SERPINB9: variants seen among roughly 807,000 people sequenced by gnomAD.
SERPINB9 encodes the protein serpin B9.
In SERPINB9, 20 loss-of-function variants were observed where a neutral mutation model predicts 27.2. The observed-to-expected ratio is 0.74, with a 90% CI of 0.52 to 1.07. SERPINB9 has a LOEUF of 1.07. Ranked by LOEUF, SERPINB9 falls within the 50% of genes least tolerant of loss-of-function variation. The pLI is 0.00. For synonymous variants in SERPINB9, 189 were observed against 180.0 expected, an observed-to-expected ratio of 1.05 and a Z score of -0.40; for missense variants, 476 against 460.1, an observed-to-expected ratio of 1.03 and a Z score of -0.32.
At chr6:2,901,944 G>A (rs1452285884) in intron 1 of SERPINB9, among the ~76,000 whole-genome samples, 6 of 151,990 alleles carry the variant, frequency 3.9e-5, no homozygotes, top group Admixed American at 1.3e-4. Flanking sequence ...CCACCCCCAC[G>A]CCACAGCCAC....
chr6:2,902,742 T>C (rs1329645585), intron 1 of SERPINB9, among the ~76,000 whole-genome samples: 2 of 152,094 alleles, frequency 1.3e-5, no homozygotes, highest in Non-Finnish European at 2.9e-5. Flanking sequence ...GGTCTCGAAC[T>C]CCTGATCTCC....
chr6:2,894,932 A>C lies in SERPINB9; in HGVS notation c.424+459T>G, dbSNP rs904887494. Among the ~76,000 whole-genome samples the C allele has an allele frequency of 2.1e-5, 2 of 95,554 alleles. No homozygotes were observed. Among genetic ancestry groups the C allele is most frequent in the African/African-American group, 4.7e-5 (1 of 21,484 alleles). 62.7% of individuals were successfully genotyped at this position (95,554 alleles called of 152,430 possible). A position where few individuals can be genotyped will look rare whatever the true frequency, so the allele number is the denominator to read the frequency against. On this transcript the variant is annotated intron_variant, in intron 4 of 6. Transcript: ENST00000380698. The surrounding 1 kb of genome is among the most constrained non-coding windows in gnomAD (Gnocchi z 4.7). ...GCTAATTTTTGTATTTTTAGTAGAG[A>C]TGTTGGGCGGGGGGGGGTCCCACCA...
In SERPINB9 at chr6:2,900,499, G is replaced by T. The variant is rs1430646130; in HGVS notation, c.113C>A (p.Ala38Asp). 5 of 1,614,074 alleles carry T rather than the reference G, an allele frequency of 3.1e-6. No homozygotes were observed. The African/African-American group carries it at 6.7e-5, about 22-fold the overall frequency. The change falls in exon 2 of 7, where the codon GCC (alanine) becomes GAC (aspartate). Residue 38 changes from alanine to aspartate, a missense_variant. Coordinates refer to ENST00000380698, the MANE Select transcript of SERPINB9 (RefSeq NM_004155.6). ...TGCCCCTAGGAGAACCATGGCCAGG[G>T]CAGAGGAGATGCTCACAGGAGAACA... is the stretch of plus-strand genomic sequence containing the variant. ...VFCSPVSISS[A>D]LAMVLLGAKG... is the part of the protein sequence containing the mutation.
At position 2,894,837 on chromosome 6, in the gene SERPINB9, C is replaced by G. The variant is rs1025440580; in HGVS notation, c.424+554G>C. The stretch of plus-strand genomic sequence containing the variant: ...TCAGCTCACTACAACTTCTGCCTCC[C>G]AGGTTCAAGTGATTCTCATGTCTCA... On this transcript the variant is annotated intron_variant, in intron 4 of 6. Transcript: ENST00000380698. This position sits in a 1 kb window ranked among gnomAD's most constrained non-coding sequence, Gnocchi z 4.7. Among the ~76,000 whole-genome samples the G allele has an allele frequency of 1.3e-5, 2 of 151,990 alleles. No individual in the cohort carries two copies. The highest frequency in any genetic ancestry group is 2.9e-5 in the Non-Finnish European group (2 of 68,018).
At chr6:2,901,780 G>A (rs114055001) in intron 1 of SERPINB9, among the ~76,000 whole-genome samples, 3 of 151,170 alleles carry the variant, frequency 2.0e-5, no homozygotes, top group Non-Finnish European at 4.4e-5. Flanking sequence ...TTCCCACTTC[G>A]GATTCTGTGC....
At chr6:2,892,104 CT>C (rs1767824958) in intron 5 of SERPINB9, 116 bp from the exon 6 acceptor site, 4 of 79,180 alleles carry the variant, frequency 5.1e-5, no homozygotes, top group South Asian at 1.5e-4. Context: ...CCAGTTAACA[CT>C]AAAAAAAAAA....
At chr6:2,902,038 C>A (rs570403074) in intron 1 of SERPINB9, among the ~76,000 whole-genome samples, 65 of 152,248 alleles carry the variant, frequency 4.3e-4, no homozygotes, top group African/African-American at 1.5e-3. Context: ...CAAAGGTGGC[C>A]GCTCAAAGCC....
In SERPINB9 at chr6:2,887,457, T is replaced by C. The variant is rs1207348993; in HGVS notation, c.*2706A>G. On this transcript the variant is annotated 3_prime_UTR_variant, in exon 7 of 7. Transcript: ENST00000380698. Reference sequence around the variant, plus strand: ...ATAGATGAGGAAATTCAAGAGCCAATAAATGCATAGAACACTTTCACCACT... The same window carrying C: ...ATAGATGAGGAAATTCAAGAGCCAACAAATGCATAGAACACTTTCACCACT... The C allele has an allele frequency of 1.3e-5, 2 of 152,208 alleles. No individual in the cohort carries two copies. Among genetic ancestry groups the C allele is most frequent in the African/African-American group, 2.4e-5 (1 of 41,454 alleles). 9.4% of individuals were successfully genotyped at this position (152,208 alleles called of 1,614,324 possible).
Position 2,892,315 on chromosome 6 carries a change from C to T in SERPINB9, c.568-327G>A, listed in dbSNP as rs74389284. Among the ~76,000 whole-genome samples, 16 of 151,916 alleles carry T rather than the reference C, an allele frequency of 1.1e-4. No individual in the cohort carries two copies. In the East Asian group the frequency reaches 3.1e-3, roughly 29 times the overall value. On this transcript the variant is annotated intron_variant, in intron 5 of 6. Transcript: ENST00000380698. The stretch of plus-strand genomic sequence containing the variant: ...CAATATAATCAAATGAAATTAAATA[C>T]AAATTTGTTTTGATTTAATTAGAAA...
intron 4 of SERPINB9, among the ~76,000 whole-genome samples, chr6:2,895,118 T>G (rs1206375980): frequency 6.6e-6 from 1 of 152,216 alleles, no homozygotes; most frequent in Non-Finnish European, 1.5e-5. Flanking sequence ...TAAATCTCTG[T>G]TGCTGAAAAC....
At chr6:2,898,001 G>A (rs975819498) in intron 2 of SERPINB9, among the ~76,000 whole-genome samples, 7 of 151,886 alleles carry the variant, frequency 4.6e-5, no homozygotes, top group Non-Finnish European at 7.4e-5. Context: ...ACTTGAACTC[G>A]GGAGTTGGAG....
rs1273980491 is a variant in SERPINB9, at chr6:2,891,542, A to G, written c.723+291T>C. ...AAAGTCTGCCATTCATCAAACTAGC[A>G]GGATTTTTATAAGCTTCCTCCTACC... On this transcript the variant is annotated intron_variant, in intron 6 of 6. Coordinates refer to ENST00000380698, the MANE Select transcript of SERPINB9 (RefSeq NM_004155.6). The surrounding 1 kb of genome is among the most constrained non-coding windows in gnomAD (Gnocchi z 4.0). 1.3e-5 allele frequency among the ~76,000 whole-genome samples: 2 copies of G among 152,172 alleles called. No individual in the cohort carries two copies. The highest frequency in any genetic ancestry group is 4.8e-5 in the African/African-American group (2 of 41,434).
chr6:2,893,702 T>C, intron 4 of SERPINB9, 149 bp from the exon 5 acceptor site: 1 of 584,472 alleles, frequency 1.7e-6, no homozygotes, highest in Non-Finnish European at 2.9e-6. Context: ...ACAGCACATA[T>C]GAGTGGTATT....
rs747020161 is a variant in SERPINB9, at chr6:2,900,639, A to G, written c.-10-18T>C. 5 of 1,608,666 alleles carry G rather than the reference A, an allele frequency of 3.1e-6. No individual in the cohort carries two copies. Among genetic ancestry groups the G allele is most frequent in the Non-Finnish European group, 4.3e-6 (5 of 1,176,048 alleles). On this transcript the variant is annotated intron_variant, in intron 1 of 6. Coordinates refer to ENST00000380698, the MANE Select transcript of SERPINB9 (RefSeq NM_004155.6). ...TGCAGGGCCTGGAAGGGAAGAATAA[A>G]GAGAAATGCAGTTTCCACACTCCCT...
In SERPINB9 at chr6:2,894,884, A is replaced by G. The variant is rs1018331132; in HGVS notation, c.424+507T>C. Among the ~76,000 whole-genome samples, 1 of 150,890 alleles carries G rather than the reference A, an allele frequency of 6.6e-6. No individual in the cohort carries two copies. The highest frequency in any genetic ancestry group is 2.0e-4 in the East Asian group (1 of 5,094). On this transcript the variant is annotated intron_variant, in intron 4 of 6. Coordinates refer to ENST00000380698, the MANE Select transcript of SERPINB9 (RefSeq NM_004155.6). The surrounding 1 kb of genome is among the most constrained non-coding windows in gnomAD (Gnocchi z 4.7). Reference sequence around the variant, plus strand: ...CTCAGCCTCCCAAGCAGCTGGGATTACAGGCATGGGCCACCACACCTGGCT... The same window carrying G: ...CTCAGCCTCCCAAGCAGCTGGGATTGCAGGCATGGGCCACCACACCTGGCT...
At position 2,892,105 on chromosome 6, in the gene SERPINB9, T is replaced by TAAAAAA. The variant is rs535487251; in HGVS notation, c.568-123_568-118dup. 142 of 118,054 alleles carry TAAAAAA rather than the reference T, an allele frequency of 1.2e-3. 19 individuals are homozygous for TAAAAAA. The highest frequency in any genetic ancestry group is 9.6e-3 in the African/African-American group (125 of 12,992). The allele number at this position is 118,054 out of a possible 1,614,324, so 7.3% of individuals were successfully genotyped here. ...GCCACATTCATGCCCCAGTTAACACTAAAAAAAAAAAAAAAAAAAAAAAAA... is the reference window on the plus strand; with the variant it reads ...GCCACATTCATGCCCCAGTTAACACTAAAAAAAAAAAAAAAAAAAAAAAAAAAAAAA... On this transcript the variant is annotated intron_variant, in intron 5 of 6. Coordinates refer to ENST00000380698, the MANE Select transcript of SERPINB9 (RefSeq NM_004155.6).
intron 5 of SERPINB9, 100 bp downstream of exon 5, chr6:2,893,310 TC>T: frequency 8.6e-7 from 1 of 1,164,674 alleles, no homozygotes; most frequent in South Asian, 2.0e-5. Flanking sequence ...AGTTTCAAAT[TC>T]CTTTTGGCTT....
chr6:2,902,571 G>A (rs1171949046), intron 1 of SERPINB9, among the ~76,000 whole-genome samples: 2 of 152,328 alleles, frequency 1.3e-5, no homozygotes, highest in East Asian at 3.9e-4. Context: ...CCAGGCTGGA[G>A]TGCAGTGGCG....
At position 2,888,172 on chromosome 6, in the gene SERPINB9, A is replaced by G. The variant is rs1767659033; in HGVS notation, c.*1991T>C. 1 of 152,240 alleles carries G rather than the reference A, an allele frequency of 6.6e-6. No homozygotes were observed. Among genetic ancestry groups the G allele is most frequent in the Admixed American group, 6.5e-5 (1 of 15,282 alleles). The allele number at this position is 152,240 out of a possible 1,614,324, so 9.4% of individuals were successfully genotyped here. A position where few individuals can be genotyped will look rare whatever the true frequency, so the allele number is the denominator to read the frequency against. On this transcript the variant is annotated 3_prime_UTR_variant, in exon 7 of 7. Transcript: ENST00000380698. ...AACTTATTTTTTTTAAAAAAAGGAA[A>G]AGGAAAATAATAAGTGTTGGTGAGG...
Sources: gnomAD v4.1 joint callset for allele counts (sites outside exome capture counted in the v4.1 genomes callset) on GRCh38, gnomAD v4.1.1 for gene constraint, Gnocchi (gnomAD v3.1) non-coding constraint, MANE v1.5 for transcripts, NCBI Gene and HGNC (gene_info 2026-07-23, HGNC 2026-07-21) for gene names.